FRMD4A: variants seen among roughly 807,000 people sequenced by gnomAD.
The protein encoded by FRMD4A is FERM domain-containing protein 4A.
FRMD4A carries 29 observed loss-of-function variants against 129.1 expected under a neutral mutation model. The ratio of observed to expected loss-of-function variants is 0.22; its 90% CI spans 0.17 to 0.31. The LOEUF is 0.31. Ranked by LOEUF, FRMD4A falls within the 10% of genes least tolerant of loss-of-function variation. The pLI, the probability that FRMD4A is intolerant of heterozygous loss-of-function variation, is 1.00. For synonymous variants in FRMD4A, 634 were observed against 571.6 expected (o/e 1.11, Z -1.56); for missense variants, 1,272 against 1,375.8 (o/e 0.92, Z 1.19).
chr10:14,243,607 G>A (rs1395439830), intron 2 of FRMD4A, among the ~76,000 whole-genome samples: 1 of 152,050 alleles, frequency 6.6e-6, no homozygotes, highest in East Asian at 1.9e-4. Context: ...CGGTGGTCAA[G>A]TTCATAGAGA....
chr10:13,707,563 G>A (rs781457690), intron 12 of FRMD4A: 183 of 992,218 alleles, frequency 1.8e-4, no homozygotes, highest in Non-Finnish European at 2.2e-4. Context: ...GTGGAGTGCT[G>A]AACTGAGCTT....
chr10:13,747,175 T>A (rs1001904997), intron 9 of FRMD4A, among the ~76,000 whole-genome samples: 4 of 147,548 alleles, frequency 2.7e-5, no homozygotes, highest in African/African-American at 7.5e-5. Flanking sequence ...TTTTGAAAAT[T>A]AAAAAAAAAA....
At chr10:13,699,457 A>G (rs2086594132) in intron 14 of FRMD4A, among the ~76,000 whole-genome samples, 1 of 152,170 alleles carries the variant, frequency 6.6e-6, no homozygotes, top group Non-Finnish European at 1.5e-5. Flanking sequence ...TGCCAACTGC[A>G]GAATGAGCCC....
chr10:13,749,606 T>C (rs542687105), intron 8 of FRMD4A, among the ~76,000 whole-genome samples: 1 of 152,228 alleles, frequency 6.6e-6, no homozygotes, highest in Admixed American at 6.5e-5. Flanking sequence ...AATACACTAA[T>C]ACATTACGTC....
chr10:14,112,996 C>T (rs1838003481), intron 2 of FRMD4A, among the ~76,000 whole-genome samples: 1 of 152,056 alleles, frequency 6.6e-6, no homozygotes, highest in African/African-American at 2.4e-5. Flanking sequence ...GAGGGCAGTC[C>T]TGAGCAGCCT....
chr10:13,977,177 G>A (rs1484453188), intron 2 of FRMD4A, among the ~76,000 whole-genome samples: 2 of 152,182 alleles, frequency 1.3e-5, no homozygotes, highest in African/African-American at 2.4e-5. Context: ...GTATTTTCTG[G>A]TTTTGTAGAA....
Position 14,008,047 on chromosome 10 carries a change from C to T in FRMD4A, c.46-149135G>A, listed in dbSNP as rs769754623. The T allele has an allele frequency of 2.3e-6, 3 of 1,299,860 alleles. No individual in the cohort carries two copies. The South Asian group carries it at 3.7e-5, about 16-fold the overall frequency. 80.5% of individuals were successfully genotyped at this position (1,299,860 alleles called of 1,614,324 possible). The stretch of plus-strand genomic sequence containing the variant: ...GAGCAACTGAGAAGCAAACAACCCG[C>T]CACGTAGCTTACCCTTTCAACGCTG... On this transcript the variant is annotated intron_variant, in intron 2 of 24. Coordinates refer to ENST00000357447, the MANE Select transcript of FRMD4A (RefSeq NM_018027.5).
chr10:13,983,505 A>T (rs78874306), intron 2 of FRMD4A, among the ~76,000 whole-genome samples: 7,619 of 152,078 alleles, frequency 0.05, 276 homozygotes, highest in African/African-American at 0.093. Flanking sequence ...ATATATATAT[A>T]TTTTTTTCCA....
intron 2 of FRMD4A, among the ~76,000 whole-genome samples, chr10:14,329,096 G>A (rs1265737856): frequency 6.6e-6 from 1 of 152,164 alleles, no homozygotes; most frequent in African/African-American, 2.4e-5. Flanking sequence ...GCTCTTCCAA[G>A]TCACCTCCAT....
At chr10:14,131,303 G>A (rs1408956879) in intron 2 of FRMD4A, among the ~76,000 whole-genome samples, 2 of 152,190 alleles carry the variant, frequency 1.3e-5, no homozygotes, top group Non-Finnish European at 2.9e-5. Context: ...AGCTTCATTT[G>A]TTGAGGGAGG....
intron 3 of FRMD4A, among the ~76,000 whole-genome samples, chr10:13,842,278 G>A (rs2093979318): frequency 6.6e-6 from 1 of 152,172 alleles, no homozygotes; most frequent in African/African-American, 2.4e-5. Flanking sequence ...ATACACGTGG[G>A]TTTGCTTAAA....
At chr10:14,148,849 T>G (rs1315578036) in intron 2 of FRMD4A, among the ~76,000 whole-genome samples, 1 of 152,166 alleles carries the variant, frequency 6.6e-6, no homozygotes, top group East Asian at 1.9e-4. Context: ...CATTTAGCTT[T>G]AAGATCTTGG....
At chr10:14,007,195 C>G (rs2095665163) in intron 2 of FRMD4A, 1 of 152,146 alleles carries the variant, frequency 6.6e-6, no homozygotes, top group Non-Finnish European at 1.5e-5. Flanking sequence ...AGGTCTTGGA[C>G]TACACCTTAA....
chr10:14,324,313 G>A (rs1389237931), intron 2 of FRMD4A, among the ~76,000 whole-genome samples: 2 of 152,118 alleles, frequency 1.3e-5, no homozygotes, highest in African/African-American at 4.8e-5. Flanking sequence ...ATTTTACCTT[G>A]GGTGCAATAA....
intron 2 of FRMD4A, among the ~76,000 whole-genome samples, chr10:14,296,445 TC>T (rs1217981203): frequency 6.6e-6 from 1 of 152,260 alleles, no homozygotes; most frequent in East Asian, 1.9e-4. Context: ...GGCCTGTCCT[TC>T]CAGTGGTCAT....
intron 2 of FRMD4A, among the ~76,000 whole-genome samples, chr10:13,964,631 G>C (rs1424487942): frequency 6.6e-6 from 1 of 151,588 alleles, no homozygotes; most frequent in East Asian, 1.9e-4. Context: ...ACAAAAGTGA[G>C]ATATTTTAAT....
intron 2 of FRMD4A, among the ~76,000 whole-genome samples, chr10:13,903,001 T>A (rs12411737): frequency 0.052 from 7,899 of 152,164 alleles, 488 homozygotes; most frequent in East Asian, 0.15. Flanking sequence ...GAGCTTACAC[T>A]CAGCACAATT....
Position 14,010,664 on chromosome 10 carries a change from C to CTTTTTTTTTTTTTTTT in FRMD4A, c.46-151768_46-151753dup, listed in dbSNP as rs779471389. On this transcript the variant is annotated intron_variant, in intron 2 of 24. Transcript: ENST00000357447. ...TCAAAATTAATTGTCGAGTTTAGGT[C>CTTTTTTTTTTTTTTTT]TTTTTTTTTTTTTTTTTTTTTTTTA... Among the ~76,000 whole-genome samples the CTTTTTTTTTTTTTTTT allele has an allele frequency of 5.4e-3, 410 of 76,420 alleles. 62 individuals are homozygous for CTTTTTTTTTTTTTTTT. Among genetic ancestry groups the CTTTTTTTTTTTTTTTT allele is most frequent in the East Asian group, 0.021 (33 of 1,564 alleles). The allele number at this position is 76,420 out of a possible 152,430, so 50.1% of individuals were successfully genotyped here.
At chr10:13,691,032 G>A (rs187072827) in intron 15 of FRMD4A, among the ~76,000 whole-genome samples, 137 of 152,294 alleles carry the variant, frequency 9.0e-4, no homozygotes, top group African/African-American at 3.2e-3. Context: ...CTGCCGCTCA[G>A]GCTGGAGTAC....
Sources: allele counts gnomAD v4.1 joint callset (sites outside exome capture counted in the v4.1 genomes callset), GRCh38; gene constraint gnomAD v4.1.1; transcripts MANE v1.5; gene names NCBI Gene and HGNC (gene_info 2026-07-23, HGNC 2026-07-21).